DIP2B: variants seen among roughly 807,000 people sequenced by gnomAD.
The protein encoded by DIP2B is DIP2 acetate--CoA ligase B (putative), also known as disco-interacting protein 2 homolog B.
A neutral mutation model predicts 198.0 loss-of-function variants in DIP2B; 76 were observed. The ratio of observed to expected loss-of-function variants is 0.38; its 90% CI spans 0.32 to 0.46. The LOEUF is 0.46. Ranked by LOEUF, DIP2B falls within the 20% of genes least tolerant of loss-of-function variation. DIP2B has a pLI of 0.99. For synonymous variants in DIP2B, 701 were observed against 739.1 expected (o/e 0.95, Z 0.84); for missense variants, 1,559 against 1,978.4 (o/e 0.79, Z 4.02).
chr12:50,592,331 T>A (rs1283527696), intron 1 of DIP2B, among the ~76,000 whole-genome samples: 1 of 150,894 alleles, frequency 6.6e-6, no homozygotes, highest in Non-Finnish European at 1.5e-5. Context: ...AGTGCCACCA[T>A]GTCTGGCTAA....
intron 1 of DIP2B, among the ~76,000 whole-genome samples, chr12:50,580,540 T>A (rs1200289099): frequency 7.0e-6 from 1 of 142,208 alleles, no homozygotes; most frequent in Non-Finnish European, 1.5e-5. Flanking sequence ...TCTTTTTCCT[T>A]TTTTTTTTTT....
chr12:50,611,925 G>A (rs373049770), intron 1 of DIP2B, among the ~76,000 whole-genome samples: 16 of 152,028 alleles, frequency 1.1e-4, no homozygotes, highest in Non-Finnish European at 1.2e-4. Context: ...CAGGCCAGGC[G>A]TGGTGGCTCT....
At chr12:50,718,142 C>T (rs1299441868) in intron 23 of DIP2B, among the ~76,000 whole-genome samples, 2 of 148,330 alleles carry the variant, frequency 1.3e-5, no homozygotes, top group African/African-American at 5.0e-5. Flanking sequence ...TTGTGATCCT[C>T]CCGCCTCGCC....
At chr12:50,648,614 C>T (rs780322632) in intron 3 of DIP2B, among the ~76,000 whole-genome samples, 1 of 151,238 alleles carries the variant, frequency 6.6e-6, no homozygotes, top group Non-Finnish European at 1.5e-5. Context: ...CCGCCCGTCT[C>T]GGCCTCCCAA....
intron 1 of DIP2B, among the ~76,000 whole-genome samples, chr12:50,539,798 A>G (rs1368432640): frequency 6.6e-6 from 1 of 151,886 alleles, no homozygotes; most frequent in Non-Finnish European, 1.5e-5. Context: ...TTAATTCTCT[A>G]GTTTTGCTTT....
intron 1 of DIP2B, among the ~76,000 whole-genome samples, chr12:50,525,019 T>C (rs1453423272): frequency 6.6e-6 from 1 of 150,808 alleles, no homozygotes; most frequent in African/African-American, 2.4e-5. Context: ...TGAGCCTCTG[T>C]GCCTGGCCAT....
intron 1 of DIP2B, among the ~76,000 whole-genome samples, chr12:50,607,268 A>G (rs1958990126): frequency 6.6e-6 from 1 of 152,176 alleles, no homozygotes; most frequent in African/African-American, 2.4e-5. Flanking sequence ...AGAAAAGTGC[A>G]GATTTCCCCA....
chr12:50,652,868 T>G (rs1035149320), intron 3 of DIP2B, among the ~76,000 whole-genome samples: 2 of 152,174 alleles, frequency 1.3e-5, no homozygotes. Flanking sequence ...TTTGTTCTTT[T>G]TGATGTTATT....
chr12:50,541,959 G>T (rs867727897), intron 1 of DIP2B, among the ~76,000 whole-genome samples: 1 of 150,780 alleles, frequency 6.6e-6, no homozygotes, highest in African/African-American at 2.4e-5. Flanking sequence ...CCGAAATTGC[G>T]CCACTGCACT....
At chr12:50,524,015 T>C (rs886099881) in intron 1 of DIP2B, among the ~76,000 whole-genome samples, 1 of 152,112 alleles carries the variant, frequency 6.6e-6, no homozygotes, top group African/African-American at 2.4e-5. Flanking sequence ...AGGAAAAATA[T>C]TTAAAGGGCC....
At chr12:50,508,767 G>A (rs1035024063) in intron 1 of DIP2B, among the ~76,000 whole-genome samples, 1 of 150,586 alleles carries the variant, frequency 6.6e-6, no homozygotes, top group Non-Finnish European at 1.5e-5. Context: ...GTGAAATGGT[G>A]CGATCTCAGC....
intron 1 of DIP2B, among the ~76,000 whole-genome samples, chr12:50,533,078 A>G (rs192752763): frequency 5.2e-5 from 8 of 152,384 alleles, no homozygotes; most frequent in African/African-American, 1.9e-4. Context: ...ACAGAGTCAC[A>G]GTGAGTCATA....
chr12:50,623,314 C>T (rs558894636), intron 1 of DIP2B, among the ~76,000 whole-genome samples: 48 of 151,424 alleles, frequency 3.2e-4, no homozygotes, highest in Admixed American at 6.6e-4. Flanking sequence ...TTGAGGTTGC[C>T]GTGAGCTATG....
At chr12:50,642,946 G>T (rs530531862) in intron 3 of DIP2B, among the ~76,000 whole-genome samples, 1 of 152,290 alleles carries the variant, frequency 6.6e-6, no homozygotes, top group South Asian at 2.1e-4. Flanking sequence ...CTGGAGCCCA[G>T]GTTCAGCAGC....
intron 1 of DIP2B, among the ~76,000 whole-genome samples, chr12:50,552,708 G>A (rs549298169): frequency 2.6e-5 from 4 of 151,804 alleles, no homozygotes; most frequent in East Asian, 1.9e-4. Context: ...TCCTTTTGGC[G>A]TCATATCCAA....
At chr12:50,570,323 C>T (rs3935870) in intron 1 of DIP2B, among the ~76,000 whole-genome samples, 48,555 of 151,994 alleles carry the variant, frequency 0.32, 7,927 homozygotes, top group South Asian at 0.39. Context: ...AGTGTTCTAG[C>T]GATATTAATT....
chr12:50,569,889 A>G (rs1187001193), intron 1 of DIP2B, among the ~76,000 whole-genome samples: 1 of 152,222 alleles, frequency 6.6e-6, no homozygotes, highest in African/African-American at 2.4e-5. Flanking sequence ...TCATTTTTAT[A>G]TTTATTGTAA....
intron 19 of DIP2B, among the ~76,000 whole-genome samples, chr12:50,702,934 A>T (rs532068758): frequency 3.3e-5 from 5 of 152,186 alleles, no homozygotes; most frequent in East Asian, 3.9e-4. Context: ...ATTTAAAAAA[A>T]TTTTTTTAAG....
chr12:50,547,407 G>A (rs1393657144), intron 1 of DIP2B, among the ~76,000 whole-genome samples: 1 of 152,122 alleles, frequency 6.6e-6, no homozygotes, highest in Non-Finnish European at 1.5e-5. Flanking sequence ...AACATTATAT[G>A]TCTAGGAATC....
Sources: allele counts gnomAD v4.1 joint callset (sites outside exome capture counted in the v4.1 genomes callset), GRCh38; gene constraint gnomAD v4.1.1; transcripts MANE v1.5; gene names NCBI Gene and HGNC (gene_info 2026-07-23, HGNC 2026-07-21).